Variants in SCFD2 observed in about 807,000 individuals in gnomAD.
SCFD2 encodes sec1 family domain containing 2, also known as sec1 family domain-containing protein 2.
In SCFD2, 54 loss-of-function variants were observed where a neutral mutation model predicts 58.9. The ratio of observed to expected loss-of-function variants is 0.92; its 90% CI spans 0.74 to 1.15. The LOEUF is 1.15. Ranked by LOEUF, SCFD2 falls within the 50% of genes most tolerant of loss-of-function variation. The pLI is 0.00. For synonymous variants in SCFD2, 321 were observed against 335.9 expected (o/e 0.96, Z 0.49); for missense variants, 805 against 836.6 (o/e 0.96, Z 0.47).
intron 4 of SCFD2, among the ~76,000 whole-genome samples, chr4:53,244,643 T>C (rs1268677774): frequency 6.6e-6 from 1 of 151,946 alleles, no homozygotes; most frequent in Non-Finnish European, 1.5e-5. Flanking sequence ...GAAAGTCTGA[T>C]GTCCACATCA....
intron 4 of SCFD2, among the ~76,000 whole-genome samples, chr4:53,248,591 GCCT>G (rs1178876136): frequency 6.6e-6 from 1 of 152,204 alleles, no homozygotes; most frequent in African/African-American, 2.4e-5. Context: ...TGGGCAGACT[GCCT>G]CCTCAAGTGG....
At chr4:53,211,482 G>A (rs1168624003) in intron 4 of SCFD2, among the ~76,000 whole-genome samples, 1 of 152,094 alleles carries the variant, frequency 6.6e-6, no homozygotes, top group Non-Finnish European at 1.5e-5. Flanking sequence ...AAATTCAAAG[G>A]GGAGTCATGG....
intron 5 of SCFD2, among the ~76,000 whole-genome samples, chr4:53,131,068 G>A (rs1035944752): frequency 6.6e-6 from 1 of 152,076 alleles, no homozygotes; most frequent in Non-Finnish European, 1.5e-5. Flanking sequence ...CAAGTGCTCT[G>A]ATTTTAAATC....
chr4:53,101,846 A>T (rs1724838578), intron 5 of SCFD2, among the ~76,000 whole-genome samples: 1 of 152,154 alleles, frequency 6.6e-6, no homozygotes, highest in Admixed American at 6.6e-5. Flanking sequence ...GTGACATCCC[A>T]ATTAAAAAAA....
At chr4:52,896,184 AT>A (rs1447401754) in intron 7 of SCFD2, among the ~76,000 whole-genome samples, 2 of 152,092 alleles carry the variant, frequency 1.3e-5, no homozygotes, top group African/African-American at 4.8e-5. Context: ...CCATTTGTCA[AT>A]TTTGGCTTTT....
intron 5 of SCFD2, among the ~76,000 whole-genome samples, chr4:52,975,901 T>C (rs1314987848): frequency 6.6e-6 from 1 of 151,786 alleles, no homozygotes; most frequent in African/African-American, 2.4e-5. Context: ...GAAACCATCA[T>C]TCTCAGCAAA....
intron 5 of SCFD2, among the ~76,000 whole-genome samples, chr4:53,024,426 T>C (rs866417039): frequency 6.6e-6 from 1 of 152,126 alleles, no homozygotes; most frequent in East Asian, 1.9e-4. Context: ...ATTGAAGAAA[T>C]GGTTGTAGAG....
intron 5 of SCFD2, among the ~76,000 whole-genome samples, chr4:53,127,820 A>G (rs1725671993): frequency 6.6e-6 from 1 of 152,162 alleles, no homozygotes; most frequent in African/African-American, 2.4e-5. Context: ...GCTGCTCTGA[A>G]AAGTCCAATG....
At chr4:53,151,086 T>C (rs1726492096) in intron 4 of SCFD2, among the ~76,000 whole-genome samples, 1 of 152,164 alleles carries the variant, frequency 6.6e-6, no homozygotes, top group Non-Finnish European at 1.5e-5. Flanking sequence ...GAAAGAGAAT[T>C]AGACCTTCTA....
chr4:53,034,300 A>G (rs1183651729), intron 5 of SCFD2, among the ~76,000 whole-genome samples: 10 of 152,152 alleles, frequency 6.6e-5, no homozygotes, highest in Non-Finnish European at 1.5e-4. Context: ...CTCTCAATAA[A>G]CTAGGTATTG....
At chr4:53,158,845 T>A (rs938023401) in intron 4 of SCFD2, among the ~76,000 whole-genome samples, 31 of 152,240 alleles carry the variant, frequency 2.0e-4, no homozygotes, top group African/African-American at 7.0e-4. Context: ...GCCTCTGTGC[T>A]TTTATGCATG....
chr4:53,145,300 T>C, intron 5 of SCFD2, 33 bp downstream of exon 5: 1 of 1,609,084 alleles, frequency 6.2e-7, no homozygotes, highest in Non-Finnish European at 8.5e-7. Context: ...GTATCAGTGA[T>C]GTTTGTGTCC....
intron 5 of SCFD2, among the ~76,000 whole-genome samples, chr4:53,051,493 G>C (rs1369947730): frequency 1.3e-5 from 2 of 152,180 alleles, no homozygotes; most frequent in African/African-American, 2.4e-5. Context: ...CCTAGGGGAA[G>C]CAACCCAAGC....
intron 4 of SCFD2, among the ~76,000 whole-genome samples, chr4:53,177,308 G>T (rs1165162641): frequency 1.3e-5 from 2 of 152,144 alleles, no homozygotes; most frequent in Non-Finnish European, 2.9e-5. Context: ...ACATGCTTGG[G>T]GCACCCAATC....
intron 5 of SCFD2, among the ~76,000 whole-genome samples, chr4:53,032,079 A>G (rs1365084558): frequency 6.6e-6 from 1 of 152,256 alleles, no homozygotes; most frequent in African/African-American, 2.4e-5. Flanking sequence ...CATCAGAGTA[A>G]CAGTGGATCT....
intron 5 of SCFD2, among the ~76,000 whole-genome samples, chr4:52,969,790 T>C (rs917453948): frequency 6.6e-6 from 1 of 152,126 alleles, no homozygotes. Flanking sequence ...GTTTAGCCCC[T>C]GAGATTTGGG....
chr4:53,147,010 T>C (rs1726352038), intron 4 of SCFD2, among the ~76,000 whole-genome samples: 2 of 152,172 alleles, frequency 1.3e-5, no homozygotes, highest in Admixed American at 1.3e-4. Flanking sequence ...GTAAGTGCTA[T>C]AAACAAAAAT....
chr4:52,987,521 A>G (rs2109577531), intron 5 of SCFD2, among the ~76,000 whole-genome samples: 1 of 152,266 alleles, frequency 6.6e-6, no homozygotes, highest in Admixed American at 6.5e-5. Context: ...TGATGTCTCC[A>G]GAGTACAGAC....
chr4:53,244,256 A>C (rs551686692), intron 4 of SCFD2, among the ~76,000 whole-genome samples: 1 of 152,190 alleles, frequency 6.6e-6, no homozygotes, highest in Admixed American at 6.5e-5. Flanking sequence ...CATATACAGA[A>C]CTCTCCACCC....
Sources: allele counts gnomAD v4.1 joint callset (sites outside exome capture counted in the v4.1 genomes callset), GRCh38; gene constraint gnomAD v4.1.1; transcripts MANE v1.5; gene names NCBI Gene and HGNC (gene_info 2026-07-23, HGNC 2026-07-21).